TNIP1: variants seen among roughly 807,000 people sequenced by gnomAD.
TNIP1 encodes TNFAIP3-interacting protein 1.
In TNIP1, 22 loss-of-function variants were observed where a neutral mutation model predicts 86.6. The ratio of observed to expected loss-of-function variants is 0.25; its 90% CI spans 0.18 to 0.36. TNIP1 has a LOEUF of 0.36. Ranked by LOEUF, TNIP1 falls within the 10% of genes least tolerant of loss-of-function variation. TNIP1 has a pLI of 1.00. For synonymous variants in TNIP1, 294 were observed against 313.0 expected, an observed-to-expected ratio of 0.94 and a Z score of 0.64; for missense variants, 709 against 820.6, an observed-to-expected ratio of 0.86 and a Z score of 1.66.
chr5:151,072,198 G>C (rs1010529588), intron 1 of TNIP1, among the ~76,000 whole-genome samples: 2 of 152,180 alleles, frequency 1.3e-5, no homozygotes, highest in Non-Finnish European at 2.9e-5. Flanking sequence ...ACACTGCCTG[G>C]AGAGGCGGCA....
intron 10 of TNIP1, 82 bp from the exon 11 acceptor site, chr5:151,042,753 G>C: frequency 6.2e-7 from 1 of 1,600,016 alleles, no homozygotes; most frequent in Non-Finnish European, 8.5e-7. Flanking sequence ...GCTGCCCCTG[G>C]GCCCTCCAAC....
intron 4 of TNIP1, among the ~76,000 whole-genome samples, chr5:151,061,655 T>C (rs1249503864): frequency 6.6e-6 from 1 of 152,082 alleles, no homozygotes; most frequent in Non-Finnish European, 1.5e-5. Flanking sequence ...CTACTTTTTT[T>C]CTTAGAGAGA....
At chr5:151,076,989 G>T (rs1473579520) in intron 1 of TNIP1, among the ~76,000 whole-genome samples, 1 of 152,246 alleles carries the variant, frequency 6.6e-6, no homozygotes, top group East Asian at 1.9e-4. Flanking sequence ...GAGGGTTGAA[G>T]GCAAGTGTCT....
At chr5:151,043,968 C>T (rs1758790860) in intron 9 of TNIP1, among the ~76,000 whole-genome samples, 1 of 151,716 alleles carries the variant, frequency 6.6e-6, no homozygotes, top group Non-Finnish European at 1.5e-5. Context: ...CATAAGGATC[C>T]ACACCAATTT....
intron 6 of TNIP1, among the ~76,000 whole-genome samples, chr5:151,053,959 G>A (rs1192299125): frequency 6.6e-6 from 1 of 152,234 alleles, no homozygotes; most frequent in African/African-American, 2.4e-5. Flanking sequence ...AGCTGGGCCA[G>A]GACCAGGGCC....
chr5:151,059,814 A>AGAGAGAGAGAGAGG (rs1761194502), intron 5 of TNIP1, among the ~76,000 whole-genome samples: 1 of 115,240 alleles, frequency 8.7e-6, no homozygotes, highest in Non-Finnish European at 1.7e-5. Context: ...AGAGAGAGAG[A>AGAGAGAGAGAGAGG]GAGAGAGAGA....
In TNIP1 at chr5:151,033,626, G is replaced by T; in HGVS notation, c.1761C>A (p.Asn587Lys). 1 of 1,352,534 alleles carries T rather than the reference G, an allele frequency of 7.4e-7. No homozygotes were observed. The highest frequency in any genetic ancestry group is 9.6e-7 in the Non-Finnish European group (1 of 1,037,688). The allele number at this position is 1,352,534 out of a possible 1,614,324, so 83.8% of individuals were successfully genotyped here. The change falls in exon 16 of 18, where the codon AAC becomes AAA. Residue 587 changes from asparagine to lysine, a missense_variant. By Grantham distance (94) the Asn-to-Lys change is moderately conservative (BLOSUM62 0). Coordinates refer to ENST00000521591, the MANE Select transcript of TNIP1 (RefSeq NM_006058.5). ...GACTCACCAGATGGAAGAGGCGCGA[G>T]TTGGGGAGTGGGGGCGGGTGCTCCA... Reference protein sequence around the residue: ...MAMEHPPPLPNSRLFHLPEYT... With the variant: ...MAMEHPPPLPKSRLFHLPEYT...
upstream of TNIP1, among the ~76,000 whole-genome samples, chr5:151,085,257 C>A (rs1764233756): frequency 6.6e-6 from 1 of 152,226 alleles, no homozygotes; most frequent in Non-Finnish European, 1.5e-5. Flanking sequence ...AAGGCTGTAA[C>A]TGTGCCCAAT....
chr5:151,083,332 T>C (rs180888840), upstream of TNIP1, among the ~76,000 whole-genome samples: 113 of 152,316 alleles, frequency 7.4e-4, 1 homozygote, highest in African/African-American at 2.5e-3. Flanking sequence ...GATAGTGGTG[T>C]CTAGATGTGG....
In TNIP1 at chr5:151,056,970, A is replaced by C; in HGVS notation, c.436-13T>G. On this transcript the variant is annotated splice_polypyrimidine_tract_variant and intron_variant, in intron 5 of 17. Coordinates refer to ENST00000521591, the MANE Select transcript of TNIP1 (RefSeq NM_006058.5). Reference sequence around the variant, plus strand: ...GGGGGCCCAGCGCCTGGAGAGGGAAAGGGCACACGGCCCACTCTTCACCAA... The same window carrying C: ...GGGGGCCCAGCGCCTGGAGAGGGAACGGGCACACGGCCCACTCTTCACCAA... 5 of 1,470,234 alleles carry C rather than the reference A, an allele frequency of 3.4e-6. No homozygotes were observed. Among genetic ancestry groups the C allele is most frequent in the Non-Finnish European group, 4.5e-6 (5 of 1,108,078 alleles). 91.1% of individuals were successfully genotyped at this position (1,470,234 alleles called of 1,614,324 possible).
intron 1 of TNIP1, among the ~76,000 whole-genome samples, chr5:151,077,476 C>T (rs1487515733): frequency 2.0e-5 from 3 of 152,226 alleles, no homozygotes; most frequent in South Asian, 2.1e-4. Flanking sequence ...ACTGGTGGCC[C>T]GTGCTGAGTG....
intron 1 of TNIP1, among the ~76,000 whole-genome samples, chr5:151,069,569 G>A (rs1193470610): frequency 1.3e-5 from 2 of 152,138 alleles, no homozygotes; most frequent in South Asian, 4.1e-4. Flanking sequence ...CCCTGGAGCA[G>A]GTGATGCCCT....
At chr5:151,047,002 T>C (rs1645069049) in intron 8 of TNIP1, among the ~76,000 whole-genome samples, 2 of 152,238 alleles carry the variant, frequency 1.3e-5, no homozygotes, top group South Asian at 4.1e-4. Context: ...CAATGGTCAC[T>C]AAAATCAGTG....
Position 151,066,055 on chromosome 5 carries a change from C to G in TNIP1, c.-36-924G>C, listed in dbSNP as rs536626630. On this transcript the variant is annotated intron_variant, in intron 1 of 17. Coordinates refer to ENST00000521591, the MANE Select transcript of TNIP1 (RefSeq NM_006058.5). ...TGAGCATCGACTCCGTGCTAGGCAC[C>G]AGTCTGGGTGCTGAGGAATTATCAG... Among the ~76,000 whole-genome samples, 32 of 152,306 alleles carry G rather than the reference C, an allele frequency of 2.1e-4. No homozygotes were observed. The South Asian group carries it at 6.6e-3, about 32-fold the overall frequency.
intron 7 of TNIP1, among the ~76,000 whole-genome samples, chr5:151,051,353 T>C (rs1294605199): frequency 1.3e-5 from 2 of 152,174 alleles, no homozygotes; most frequent in South Asian, 2.1e-4. Flanking sequence ...GCCTTTCCTA[T>C]GTGCCTGAGC....
rs116576999 is a variant in TNIP1 at position 151,053,878 on chromosome 5, T to C, written c.628-1619A>G. ...CTCCAATTGGCAGACCCCACACTGG[T>C]GTCTCTTTCCCCTGTGATGAAAGAT... is the stretch of plus-strand genomic sequence containing the variant. On this transcript the variant is annotated intron_variant, in intron 6 of 17. Coordinates refer to ENST00000521591, the MANE Select transcript of TNIP1 (RefSeq NM_006058.5). Among the ~76,000 whole-genome samples the C allele has an allele frequency of 1.5e-3, 229 of 152,316 alleles. 1 individual carries two copies. Among genetic ancestry groups the C allele is most frequent in the African/African-American group, 5.4e-3 (223 of 41,578 alleles).
At chr5:151,077,905 G>T in intron 1 of TNIP1, among the ~76,000 whole-genome samples, 1 of 152,204 alleles carries the variant, frequency 6.6e-6, no homozygotes, top group South Asian at 2.1e-4. Flanking sequence ...CAACCGAGGA[G>T]AGGCTGATTC....
intron 5 of TNIP1, among the ~76,000 whole-genome samples, chr5:151,058,467 C>T (rs1308344244): frequency 1.3e-5 from 2 of 152,222 alleles, no homozygotes; most frequent in Non-Finnish European, 2.9e-5. Flanking sequence ...CAGTGTTACC[C>T]TACTGCAGAC....
chr5:151,067,097 G>A (rs992334545), intron 1 of TNIP1, among the ~76,000 whole-genome samples: 6 of 152,204 alleles, frequency 3.9e-5, no homozygotes, highest in African/African-American at 1.2e-4. Flanking sequence ...CGAGGCAAAG[G>A]ACAGCTACCC....
Sources: allele counts gnomAD v4.1 joint callset (sites outside exome capture counted in the v4.1 genomes callset), GRCh38; gene constraint gnomAD v4.1.1; transcripts MANE v1.5; gene names NCBI Gene and HGNC (gene_info 2026-07-23, HGNC 2026-07-21).